The following KCNIP4 variants were observed in gnomAD, a reference collection of about 807,000 sequenced individuals.
The protein encoded by KCNIP4 is Kv channel-interacting protein 4.
In KCNIP4, 12 loss-of-function variants were observed where a neutral mutation model predicts 34.0. The ratio of observed to expected loss-of-function variants is 0.35; its 90% CI spans 0.23 to 0.57. The LOEUF is 0.57. KCNIP4 is among the 20% of genes least tolerant of loss of function. KCNIP4 has a pLI of 0.83. For synonymous variants in KCNIP4, 124 were observed against 102.2 expected (o/e 1.21, Z -1.29); for missense variants, 238 against 311.7 (o/e 0.76, Z 1.78).
At chr4:21,836,819 G>C (rs1284292056) in intron 1 of KCNIP4, among the ~76,000 whole-genome samples, 1 of 151,994 alleles carries the variant, frequency 6.6e-6, no homozygotes, top group East Asian at 1.9e-4. Flanking sequence ...ATATTAATGG[G>C]CTTAATCTAG....
At chr4:20,818,785 G>C (rs1716743607) in intron 3 of KCNIP4, among the ~76,000 whole-genome samples, 1 of 152,028 alleles carries the variant, frequency 6.6e-6, no homozygotes, top group African/African-American at 2.4e-5. Context: ...CAGAATTAAA[G>C]AAGACTATGC....
At chr4:21,361,307 T>A (rs767844453) in intron 1 of KCNIP4, among the ~76,000 whole-genome samples, 3 of 152,098 alleles carry the variant, frequency 2.0e-5, no homozygotes, top group Non-Finnish European at 4.4e-5. Context: ...TTCATCATAA[T>A]GAAATCATAA....
intron 1 of KCNIP4, among the ~76,000 whole-genome samples, chr4:21,320,470 G>A (rs1714256089): frequency 6.6e-6 from 1 of 152,126 alleles, no homozygotes; most frequent in Non-Finnish European, 1.5e-5. Context: ...ATTGTGTTGG[G>A]TAGAACTGGT....
chr4:21,307,249 T>C (rs1418104066), intron 1 of KCNIP4, among the ~76,000 whole-genome samples: 2 of 152,178 alleles, frequency 1.3e-5, no homozygotes, highest in East Asian at 1.9e-4. Flanking sequence ...GGTTTTTCTT[T>C]TTTTAAATGT....
At chr4:21,683,970 T>C (rs1750611054) in intron 1 of KCNIP4, among the ~76,000 whole-genome samples, 1 of 151,976 alleles carries the variant, frequency 6.6e-6, no homozygotes, top group Admixed American at 6.6e-5. Flanking sequence ...TACTGGGGCC[T>C]GCTTGAGGGA....
chr4:20,879,528 T>C (rs570989298), intron 2 of KCNIP4, among the ~76,000 whole-genome samples: 1 of 152,218 alleles, frequency 6.6e-6, no homozygotes, highest in African/African-American at 2.4e-5. Flanking sequence ...GCCTTTGACA[T>C]TTTAAAAATG....
intron 1 of KCNIP4, among the ~76,000 whole-genome samples, chr4:21,126,806 C>A (rs996092725): frequency 2.6e-5 from 4 of 152,046 alleles, no homozygotes; most frequent in African/African-American, 9.7e-5. Flanking sequence ...TGTCTTGATA[C>A]CTTTAAATCT....
intron 1 of KCNIP4, among the ~76,000 whole-genome samples, chr4:21,434,267 C>A (rs1365897827): frequency 6.6e-6 from 1 of 152,194 alleles, no homozygotes; most frequent in Non-Finnish European, 1.5e-5. Flanking sequence ...GATAAAATTC[C>A]TTTTCTCACC....
chr4:21,554,515 A>G (rs1397913287), intron 1 of KCNIP4, among the ~76,000 whole-genome samples: 1 of 152,164 alleles, frequency 6.6e-6, no homozygotes, highest in African/African-American at 2.4e-5. Context: ...TAATGAGAAA[A>G]CACCAAGAGC....
At chr4:21,100,443 C>T (rs565976281) in intron 1 of KCNIP4, among the ~76,000 whole-genome samples, 2 of 152,244 alleles carry the variant, frequency 1.3e-5, no homozygotes, top group Non-Finnish European at 2.9e-5. Flanking sequence ...GACCCAGTTA[C>T]TTGGGAGACT....
chr4:21,498,950 G>A (rs1420647661), intron 1 of KCNIP4, among the ~76,000 whole-genome samples: 1 of 152,092 alleles, frequency 6.6e-6, no homozygotes, highest in African/African-American at 2.4e-5. Context: ...GCTGGCAAAT[G>A]GTAAACTCAC....
intron 1 of KCNIP4, among the ~76,000 whole-genome samples, chr4:20,973,814 C>G (rs751892792): frequency 3.9e-5 from 6 of 152,024 alleles, no homozygotes; most frequent in East Asian, 1.9e-4. Context: ...AATGGCCAGT[C>G]AGTGGAGCAG....
intron 1 of KCNIP4, among the ~76,000 whole-genome samples, chr4:21,173,115 G>A (rs757268468): frequency 1.3e-5 from 2 of 152,110 alleles, no homozygotes; most frequent in African/African-American, 4.8e-5. Flanking sequence ...TTCCAAGAGC[G>A]CATCTGATTG....
intron 1 of KCNIP4, among the ~76,000 whole-genome samples, chr4:21,213,911 C>A (rs965034972): frequency 1.5e-4 from 23 of 152,290 alleles, no homozygotes; most frequent in Admixed American, 2.6e-4. Flanking sequence ...TCACATTCTT[C>A]TTTTGCCTCT....
intron 1 of KCNIP4, among the ~76,000 whole-genome samples, chr4:21,437,585 G>A (rs114754033): frequency 1.3e-5 from 2 of 152,254 alleles, no homozygotes; most frequent in African/African-American, 4.8e-5. Flanking sequence ...GCTCCTAGGT[G>A]CAACTTATAT....
In KCNIP4 at chr4:21,090,955, T is replaced by C. The variant is rs77032286; in HGVS notation, c.62-208246A>G. Among the ~76,000 whole-genome samples, 691 of 152,326 alleles carry C rather than the reference T, an allele frequency of 4.5e-3. 6 individuals carry two copies. The highest frequency in any genetic ancestry group is 0.016 in the African/African-American group (658 of 41,580). On this transcript the variant is annotated intron_variant, in intron 1 of 8. Transcript: ENST00000382152. ...ATTACATCTCACATTTCAATGGCAG[T>C]GAAAATAAATGTGATTTTGACATAT...
At chr4:21,550,065 C>T (rs577930108) in intron 1 of KCNIP4, among the ~76,000 whole-genome samples, 3 of 152,192 alleles carry the variant, frequency 2.0e-5, no homozygotes, top group East Asian at 3.9e-4. Flanking sequence ...GATTTAAATT[C>T]GTGCTGTTTT....
intron 5 of KCNIP4, among the ~76,000 whole-genome samples, chr4:20,749,438 C>T (rs1338027263): frequency 2.0e-5 from 3 of 152,128 alleles, no homozygotes; most frequent in Non-Finnish European, 2.9e-5. Flanking sequence ...AAGAAGTGGA[C>T]TCTCCTTGTA....
intron 1 of KCNIP4, among the ~76,000 whole-genome samples, chr4:21,340,754 A>G (rs1255809180): frequency 6.6e-6 from 1 of 152,138 alleles, no homozygotes; most frequent in African/African-American, 2.4e-5. Flanking sequence ...GTTTAGTGTG[A>G]GACTCAATGG....
Sources: gnomAD v4.1 joint callset for allele counts (sites outside exome capture counted in the v4.1 genomes callset) on GRCh38, gnomAD v4.1.1 for gene constraint, MANE v1.5 for transcripts, NCBI Gene and HGNC (gene_info 2026-07-23, HGNC 2026-07-21) for gene names.